ZNF345: variants seen among roughly 807,000 people sequenced by gnomAD.
ZNF345 encodes the protein zinc finger protein 345, also known as zinc finger protein HZF10.
For synonymous variants in ZNF345, 166 were observed against 187.9 expected (o/e 0.88, Z 0.95); for missense variants, 527 against 589.9 (o/e 0.89, Z 1.10).
intron 2 of ZNF345, among the ~76,000 whole-genome samples, chr19:36,871,854 G>A (rs920081390): frequency 3.3e-5 from 5 of 152,016 alleles, no homozygotes; most frequent in South Asian, 2.1e-4. Context: ...CACAACCTCC[G>A]CCTCCTGGGT....
intron 2 of ZNF345, among the ~76,000 whole-genome samples, chr19:36,864,423 G>C (rs978595686): frequency 2.6e-5 from 4 of 152,144 alleles, no homozygotes; most frequent in African/African-American, 9.7e-5. Context: ...GCTGAGGTGG[G>C]AGGATGGCTT....
At chr19:36,853,334 C>T (rs1387299169) in intron 2 of ZNF345, among the ~76,000 whole-genome samples, 8 of 151,556 alleles carry the variant, frequency 5.3e-5, no homozygotes, top group African/African-American at 1.7e-4. Context: ...CCACAACCTC[C>T]GCCTCTTGGG....
At chr19:36,892,575 A>C in intron 3 of ZNF345, 18 of 1,264,806 alleles carry the variant, frequency 1.4e-5, no homozygotes, top group Non-Finnish European at 1.8e-5. Context: ...CTGAGAAATT[A>C]CACAGTTTTC....
downstream of ZNF345, among the ~76,000 whole-genome samples, chr19:36,881,197 C>T (rs1193337635): frequency 6.6e-6 from 1 of 152,106 alleles, no homozygotes; most frequent in Non-Finnish European, 1.5e-5. Context: ...CTGAAATGCT[C>T]CAAATTCCAA....
intron 2 of ZNF345, among the ~76,000 whole-genome samples, chr19:36,852,128 CTTTTTTTTT>C (rs35747733): frequency 9.7e-6 from 1 of 102,704 alleles, no homozygotes; most frequent in African/African-American, 3.9e-5. Flanking sequence ...TTCTTTCTTT[CTTTTTTTTT>C]TTTTTTTTTT....
downstream of ZNF345, among the ~76,000 whole-genome samples, chr19:36,884,107 C>T (rs2072983568): frequency 6.6e-6 from 1 of 152,060 alleles, no homozygotes; most frequent in Non-Finnish European, 1.5e-5. Context: ...CTCCTGTTGC[C>T]CCGGCTGGAG....
In ZNF345 at chr19:36,859,159, T is replaced by G. The variant is rs149312317; in HGVS notation, c.-47+7255T>G. Among the ~76,000 whole-genome samples, 1,081 of 152,118 alleles carry G rather than the reference T, an allele frequency of 7.1e-3. 6 individuals carry two copies. Among genetic ancestry groups the G allele is most frequent in the Non-Finnish European group, 0.01 (709 of 67,992 alleles). On this transcript the variant is annotated intron_variant, in intron 2 of 2. Coordinates refer to ENST00000420450, the MANE Select transcript of ZNF345 (RefSeq NM_001242472.2). ...TCTTAAACTTTTTTATGGTTTTTTT[T>G]TTGTTGTTGTTGACAGCCTGACAGT...
intron 2 of ZNF345, among the ~76,000 whole-genome samples, chr19:36,871,394 A>C (rs932329933): frequency 2.6e-5 from 4 of 152,138 alleles, no homozygotes; most frequent in Non-Finnish European, 4.4e-5. Flanking sequence ...ATTTTGCCAC[A>C]TTTCCTTTAT....
downstream of ZNF345, among the ~76,000 whole-genome samples, chr19:36,881,462 A>G (rs946925429): frequency 4.6e-5 from 7 of 152,176 alleles, no homozygotes; most frequent in African/African-American, 1.7e-4. Flanking sequence ...GTATTATATA[A>G]GGGATATAAA....
chr19:36,873,563 T>G (rs1421254409), intron 2 of ZNF345, among the ~76,000 whole-genome samples: 1 of 152,188 alleles, frequency 6.6e-6, no homozygotes, highest in Non-Finnish European at 1.5e-5. Context: ...ATAGTCCTCA[T>G]GTTGTACATT....
chr19:36,854,259 C>T (rs2072355701), intron 2 of ZNF345, among the ~76,000 whole-genome samples: 3 of 148,108 alleles, frequency 2.0e-5, no homozygotes, highest in Non-Finnish European at 3.0e-5. Context: ...TTATTGAGCA[C>T]CTATCTCCTC....
intron 2 of ZNF345, among the ~76,000 whole-genome samples, chr19:36,859,094 A>T (rs949055309): frequency 3.9e-5 from 4 of 102,906 alleles, no homozygotes; most frequent in African/African-American, 6.4e-5. Context: ...CTTCTTTTTA[A>T]AAAAAAAAAA....
chr19:36,857,733 T>C (rs936012951), intron 2 of ZNF345, among the ~76,000 whole-genome samples: 1 of 152,220 alleles, frequency 6.6e-6, no homozygotes, highest in Non-Finnish European at 1.5e-5. Flanking sequence ...AGGTACAAAA[T>C]AGCACTTAGA....
intron 3 of ZNF345, chr19:36,892,371 G>A (rs2073065035): frequency 6.2e-7 from 1 of 1,613,270 alleles, no homozygotes; most frequent in Admixed American, 1.7e-5. Flanking sequence ...TAAGAAATGT[G>A]GGCTGAATAA....
intron 2 of ZNF345, among the ~76,000 whole-genome samples, chr19:36,869,676 T>C (rs755264245): frequency 6.6e-6 from 1 of 152,176 alleles, no homozygotes; most frequent in African/African-American, 2.4e-5. Context: ...CCTGACAAAT[T>C]ATTACACAGG....
downstream of ZNF345, among the ~76,000 whole-genome samples, chr19:36,880,050 G>T (rs1224616868): frequency 6.6e-6 from 1 of 152,174 alleles, no homozygotes; most frequent in East Asian, 1.9e-4. Flanking sequence ...AATATTTGCT[G>T]CCAGGCACAG....
rs1327493367 is a variant in ZNF345 at position 36,878,139 on chromosome 19, A to G, written c.1309A>G (p.Ser437Gly). Residue 437 changes from serine (S) to glycine (G), a missense_variant, in exon 3 of 3, where the codon AGT (serine) becomes GGT (glycine). By Grantham distance (56) the Ser-to-Gly change is moderately conservative. Transcript: ENST00000420450. ...TAAGGAGTGTGGGAAGGCTTTTTATAGTGGCTCAAGCCTTACTCAGCATCA... is the reference window on the plus strand; with the variant it reads ...TAAGGAGTGTGGGAAGGCTTTTTATGGTGGCTCAAGCCTTACTCAGCATCA... ...ECKECGKAFYSGSSLTQHQRI... is the reference protein window; with the variant it reads ...ECKECGKAFYGGSSLTQHQRI... The G allele has an allele frequency of 1.9e-6, 3 of 1,614,116 alleles. No individual in the cohort carries two copies. The highest frequency in any genetic ancestry group is 2.7e-5 in the African/African-American group (2 of 75,032).
chr19:36,861,952 C>A (rs561022867), intron 2 of ZNF345, among the ~76,000 whole-genome samples: 1 of 151,656 alleles, frequency 6.6e-6, no homozygotes, highest in African/African-American at 2.4e-5. Context: ...ACCTCTGCCT[C>A]CCTGTTCCAG....
At chr19:36,864,505 C>G (rs935815327) in intron 2 of ZNF345, among the ~76,000 whole-genome samples, 3 of 151,726 alleles carry the variant, frequency 2.0e-5, no homozygotes, top group African/African-American at 7.3e-5. Context: ...GCCTGGGTGA[C>G]AGAGTGAGAC....
Sources: allele counts gnomAD v4.1 joint callset (sites outside exome capture counted in the v4.1 genomes callset), GRCh38; gene constraint gnomAD v4.1.1; transcripts MANE v1.5; gene names NCBI Gene and HGNC (gene_info 2026-07-23, HGNC 2026-07-21).